ERO1B: variants seen among roughly 807,000 people sequenced by gnomAD.
The protein encoded by ERO1B is ERO1-like protein beta.
In ERO1B, 49 loss-of-function variants were observed where a neutral mutation model predicts 75.3. The ratio of observed to expected loss-of-function variants is 0.65; its 90% CI spans 0.52 to 0.83. The LOEUF is 0.83. Ranked by LOEUF, ERO1B falls within the 40% of genes least tolerant of loss-of-function variation. The pLI is 0.00. For synonymous variants in ERO1B, 191 were observed against 192.9 expected (o/e 0.99, Z 0.08); for missense variants, 512 against 560.1 (o/e 0.91, Z 0.87).
chr1:236,273,717 G>A (rs1458945252), intron 1 of ERO1B, among the ~76,000 whole-genome samples: 1 of 151,210 alleles, frequency 6.6e-6, no homozygotes, highest in Non-Finnish European at 1.5e-5. Context: ...GAGATGGGAG[G>A]ATCACCTGAA....
At chr1:236,231,827 T>C (rs934642214) in intron 9 of ERO1B, among the ~76,000 whole-genome samples, 1 of 152,174 alleles carries the variant, frequency 6.6e-6, no homozygotes, top group Non-Finnish European at 1.5e-5. Context: ...TATCATTATA[T>C]CACTTGTGAT....
At chr1:236,261,570 T>C (rs937240417) in intron 2 of ERO1B, among the ~76,000 whole-genome samples, 6 of 152,126 alleles carry the variant, frequency 3.9e-5, no homozygotes, top group Non-Finnish European at 4.4e-5. Flanking sequence ...AATGAAATAG[T>C]TGTAACTTTA....
chr1:236,231,380 T>C (rs1664403307), intron 9 of ERO1B, among the ~76,000 whole-genome samples: 1 of 152,048 alleles, frequency 6.6e-6, no homozygotes, highest in African/African-American at 2.4e-5. Context: ...TTACAACGTA[T>C]TGTATTCTTG....
At chr1:236,235,751 C>T (rs369165382) in intron 8 of ERO1B, 38 bp downstream of exon 8, 8 of 1,554,118 alleles carry the variant, frequency 5.1e-6, no homozygotes, top group East Asian at 4.5e-5. Context: ...ATTTTATAAA[C>T]AATGAAAAGC....
intron 2 of ERO1B, among the ~76,000 whole-genome samples, chr1:236,266,154 A>C (rs1470804276): frequency 6.6e-6 from 1 of 152,272 alleles, no homozygotes; most frequent in Non-Finnish European, 1.5e-5. Flanking sequence ...GACACAAACT[A>C]ATCATTCAAT....
At chr1:236,236,507 T>C in intron 6 of ERO1B, 109 bp from the exon 7 acceptor site, 1 of 1,148,486 alleles carries the variant, frequency 8.7e-7, no homozygotes, top group Non-Finnish European at 1.2e-6. Context: ...GTCATGCTTT[T>C]CAAGTAATCT....
chr1:236,258,943 C>T (rs1665230785), intron 2 of ERO1B, among the ~76,000 whole-genome samples: 1 of 152,012 alleles, frequency 6.6e-6, no homozygotes, highest in Non-Finnish European at 1.5e-5. Context: ...TAAAAGTAAG[C>T]ATACAAACTC....
At chr1:236,265,512 G>A (rs1445657450) in intron 2 of ERO1B, among the ~76,000 whole-genome samples, 1 of 152,056 alleles carries the variant, frequency 6.6e-6, no homozygotes, top group Non-Finnish European at 1.5e-5. Flanking sequence ...ACCCTAATTT[G>A]ATCATTTTCT....
At chr1:236,278,757 T>C (rs539849394) in intron 1 of ERO1B, among the ~76,000 whole-genome samples, 1 of 152,354 alleles carries the variant, frequency 6.6e-6, no homozygotes, top group African/African-American at 2.4e-5. Flanking sequence ...AAAGTATATT[T>C]ACATTTCATT....
chr1:236,237,698 C>T (rs1664578084), intron 6 of ERO1B, among the ~76,000 whole-genome samples: 1 of 152,126 alleles, frequency 6.6e-6, no homozygotes, highest in Admixed American at 6.5e-5. Flanking sequence ...CAAATGTGGT[C>T]ATTAAATGTC....
In ERO1B at chr1:236,269,879, T is replaced by C; in HGVS notation, c.218A>G (p.Tyr73Cys). 1 of 1,586,524 alleles carries C rather than the reference T, an allele frequency of 6.3e-7. No homozygotes were observed. Among genetic ancestry groups the C allele is most frequent in the South Asian group, 1.1e-5 (1 of 90,350 alleles). Residue 73 changes from tyrosine to cysteine, a missense_variant, in exon 2 of 16, where the codon TAC becomes TGC. Transcript: ENST00000354619. ...AATAAAAAATTACAACCTTACCTTG[T>C]AATAACGAAAATAGTCTCTCTCTTG... The part of the protein sequence containing the change: ...KLQERDYFRY[Y>C]KVNLKRPCPF...
intron 13 of ERO1B, among the ~76,000 whole-genome samples, chr1:236,222,365 G>A (rs768028779): frequency 6.6e-6 from 1 of 152,094 alleles, no homozygotes; most frequent in South Asian, 2.1e-4. Flanking sequence ...TGCCCACCTC[G>A]ACCTCCCAAA....
intron 2 of ERO1B, among the ~76,000 whole-genome samples, chr1:236,253,714 G>C (rs1205126654): frequency 1.3e-5 from 2 of 152,172 alleles, no homozygotes; most frequent in African/African-American, 2.4e-5. Flanking sequence ...AAAGCATTTA[G>C]AACTACTTGA....
chr1:236,253,350 TA>T, intron 3 of ERO1B, 71 bp downstream of exon 3: 3 of 882,402 alleles, frequency 3.4e-6, no homozygotes, highest in Non-Finnish European at 5.4e-6. Context: ...TAGCCTGAAA[TA>T]AAATAGAGGT....
intron 9 of ERO1B, 149 bp from the exon 10 acceptor site, chr1:236,230,399 G>T (rs1664376347): frequency 3.4e-6 from 2 of 593,416 alleles, no homozygotes; most frequent in African/African-American, 2.0e-5. Flanking sequence ...ATCACTTGAG[G>T]CCAGGAGTTT....
Position 236,266,132 on chromosome 1 carries a change from T to A in ERO1B, c.222+3743A>T, listed in dbSNP as rs1001947345. ...AAGTTTTGTCTTATTCACTACTGTA[T>A]CCATAGTACCTGACACAAACTAATC... On this transcript the variant is annotated intron_variant, in intron 2 of 15. Transcript: ENST00000354619. Among the ~76,000 whole-genome samples the A allele has an allele frequency of 6.6e-5, 10 of 152,186 alleles. 1 individual carries two copies. Among genetic ancestry groups the A allele is most frequent in the Admixed American group, 6.5e-4 (10 of 15,286 alleles).
chr1:236,254,655 CAGGCTGGAGTGCA>C (rs1256568250), intron 2 of ERO1B, among the ~76,000 whole-genome samples: 2 of 152,118 alleles, frequency 1.3e-5, no homozygotes, highest in African/African-American at 4.8e-5. Flanking sequence ...CTCTGTCACC[CAGGCTGGAGTGCA>C]ATGGTGCAGT....
intron 6 of ERO1B, among the ~76,000 whole-genome samples, chr1:236,237,099 G>A (rs564499669): frequency 1.1e-4 from 16 of 146,448 alleles, no homozygotes; most frequent in Non-Finnish European, 2.2e-4. Flanking sequence ...TATTTACCCC[G>A]ATCTCCACTA....
Position 236,224,181 on chromosome 1 carries a change from C to T in ERO1B, c.1122+889G>A, listed in dbSNP as rs144015325. ...ATTTGAAAACAACCCCACAAAACTACGAATATCTGCTATATTCTTACACCA... is the reference window on the plus strand; with the variant it reads ...ATTTGAAAACAACCCCACAAAACTATGAATATCTGCTATATTCTTACACCA... On this transcript the variant is annotated intron_variant, in intron 13 of 15. Transcript: ENST00000354619. 9.5e-4 allele frequency among the ~76,000 whole-genome samples: 144 copies of T among 152,226 alleles called. 1 individual carries two copies. Among genetic ancestry groups the T allele is most frequent in the African/African-American group, 3.3e-3 (137 of 41,526 alleles).
Sources: allele counts gnomAD v4.1 joint callset (sites outside exome capture counted in the v4.1 genomes callset), GRCh38; gene constraint gnomAD v4.1.1; transcripts MANE v1.5; gene names NCBI Gene and HGNC (gene_info 2026-07-23, HGNC 2026-07-21).